Variants in IRAG1 observed in about 807,000 individuals in gnomAD.
IRAG1 encodes inositol 1,4,5-triphosphate receptor associated 1.
IRAG1 carries 62 observed loss-of-function variants against 106.2 expected under a neutral mutation model. The ratio of observed to expected loss-of-function variants is 0.58; its 90% confidence interval spans 0.48 to 0.72. The LOEUF (loss-of-function observed/expected upper bound fraction) is 0.72, where lower values mean the gene tolerates loss of function less well. IRAG1 is among the 30% of genes least tolerant of loss of function. IRAG1 has a pLI of 0.00. For missense variants in IRAG1, 1,064 were observed against 1,140.7 expected (o/e 0.93, Z 0.97); for synonymous variants, 462 against 443.9 (o/e 1.04, Z -0.51).
intron 1 of IRAG1, among the ~76,000 whole-genome samples, chr11:10,666,049 A>G (rs756978337): frequency 1.3e-5 from 2 of 152,220 alleles, no homozygotes; most frequent in Non-Finnish European, 2.9e-5. Flanking sequence ...TCAAGGTCCT[A>G]CTGCTTAAAT....
At position 10,594,169 on chromosome 11, in the gene IRAG1, A is replaced by T. The variant is rs762802874; in HGVS notation, c.2044T>A (p.Ser682Thr). The change falls in exon 16 of 21, where the codon TCC (serine) becomes ACC (threonine). Residue 682 changes from serine to threonine, a missense_variant. Coordinates refer to ENST00000423302, the MANE Select transcript of IRAG1 (RefSeq NM_130385.4). ...SEDGVPRTAR[S>T]MSLTLGKNMP... ...ACCTTTCCCAGCGTGAGGGACATGG[A>T]CCGTGCCGTGCGAGGGACCCCATCT... is the stretch of plus-strand genomic sequence containing the variant. 2 of 1,610,376 alleles carry T rather than the reference A, an allele frequency of 1.2e-6. No individual in the cohort carries two copies. Among genetic ancestry groups the T allele is most frequent in the Admixed American group, 3.4e-5 (2 of 59,566 alleles).
intron 15 of IRAG1, among the ~76,000 whole-genome samples, chr11:10,595,321 A>G (rs1853174699): frequency 6.6e-6 from 1 of 152,112 alleles, no homozygotes; most frequent in East Asian, 1.9e-4. Context: ...TATTTCTACC[A>G]TGTAATTTTA....
At chr11:10,604,121 C>T (rs548152101) in intron 13 of IRAG1, among the ~76,000 whole-genome samples, 7 of 152,198 alleles carry the variant, frequency 4.6e-5, no homozygotes, top group African/African-American at 1.4e-4. Context: ...AATGTGAACA[C>T]GCTATCCCTG....
At chr11:10,578,184 C>T (rs983636633) in intron 20 of IRAG1, among the ~76,000 whole-genome samples, 1 of 152,182 alleles carries the variant, frequency 6.6e-6, no homozygotes, top group Non-Finnish European at 1.5e-5. Context: ...AATAGAATTT[C>T]TTTAGAAGTC....
intron 1 of IRAG1, among the ~76,000 whole-genome samples, chr11:10,666,510 C>G (rs1020566120): frequency 1.3e-5 from 2 of 152,196 alleles, no homozygotes; most frequent in Non-Finnish European, 2.9e-5. Flanking sequence ...AACACAGGAC[C>G]AGAAGAGGTT....
At chr11:10,693,497 C>T (rs775588203) in intron 1 of IRAG1, 39 bp downstream of exon 1, 12 of 1,535,046 alleles carry the variant, frequency 7.8e-6, no homozygotes, top group Middle Eastern at 1.7e-4. Flanking sequence ...GCTTCCCAGC[C>T]GAAGAGGCAG....
At chr11:10,584,312 A>C (rs1001935107) in intron 18 of IRAG1, among the ~76,000 whole-genome samples, 3 of 152,122 alleles carry the variant, frequency 2.0e-5, no homozygotes, top group Non-Finnish European at 2.9e-5. Context: ...AGTTTTCCTC[A>C]GACCTTTTAA....
intron 15 of IRAG1, 109 bp from the exon 16 acceptor site, chr11:10,594,304 G>GGATA: frequency 9.5e-7 from 1 of 1,054,726 alleles, no homozygotes; most frequent in South Asian, 1.4e-5. Context: ...GGCCCTCAAG[G>GGATA]GATAGCCCAA....
In IRAG1 at chr11:10,604,481, T is replaced by G; in HGVS notation, c.1667A>C (p.Asn556Thr). The change falls in exon 13 of 21, where the codon AAC becomes ACC. Residue 556 changes from asparagine (N) to threonine (T), a missense_variant. Coordinates refer to ENST00000423302, the MANE Select transcript of IRAG1 (RefSeq NM_130385.4). ...CAGGTTGCGTTCCCTTTCAGCCTGG[T>G]TAATTCTAGATTCCAGAGTGTAGCT... ...NDSYTLESRI[N>T]QAERERNLTE... 1 of 1,614,064 alleles carries G rather than the reference T, an allele frequency of 6.2e-7. No homozygotes were observed. The highest frequency in any genetic ancestry group is 8.5e-7 in the Non-Finnish European group (1 of 1,179,896).
rs1203475585 is a variant in IRAG1 at position 10,645,106 on chromosome 11, C to A, written c.225+6919G>T. 4.6e-5 allele frequency among the ~76,000 whole-genome samples: 7 copies of A among 152,186 alleles called. No individual in the cohort carries two copies. The East Asian group carries it at 1.2e-3, about 25-fold the overall frequency. Reference sequence around the variant, plus strand: ...GAAGTGAGCTTCCTGAGAGCAGGACCTTAGTTAGTTAATGCTCAATAAACA... The same window carrying A: ...GAAGTGAGCTTCCTGAGAGCAGGACATTAGTTAGTTAATGCTCAATAAACA... On this transcript the variant is annotated intron_variant, in intron 2 of 20. Coordinates refer to ENST00000423302, the MANE Select transcript of IRAG1 (RefSeq NM_130385.4).
rs944104405 is a variant in IRAG1, at chr11:10,595,255, C to T, written c.2018-1060G>A. Among the ~76,000 whole-genome samples the T allele has an allele frequency of 2.7e-4, 41 of 152,110 alleles. 1 individual carries two copies. Among genetic ancestry groups the T allele is most frequent in the Non-Finnish European group, 1.5e-5 (1 of 68,016 alleles). On this transcript the variant is annotated intron_variant, in intron 15 of 20. Coordinates refer to ENST00000423302, the MANE Select transcript of IRAG1 (RefSeq NM_130385.4). ...TTTTCATAATCTAATCTGAGATTCTCTATTAACCAATAGATTTATACTAGT... is the reference window on the plus strand; with the variant it reads ...TTTTCATAATCTAATCTGAGATTCTTTATTAACCAATAGATTTATACTAGT...
At chr11:10,616,938 C>G (rs1855479731) in intron 10 of IRAG1, 1 of 694,258 alleles carries the variant, frequency 1.4e-6, no homozygotes, top group Admixed American at 6.3e-5. Context: ...CTGACCATGT[C>G]AGGGACTTGG....
intron 2 of IRAG1, among the ~76,000 whole-genome samples, chr11:10,635,666 G>A (rs1857093148): frequency 6.6e-6 from 1 of 152,192 alleles, no homozygotes; most frequent in Non-Finnish European, 1.5e-5. Flanking sequence ...GTCTCATACA[G>A]TGCTATCTGG....
At chr11:10,588,506 C>T (rs555494361) in intron 18 of IRAG1, among the ~76,000 whole-genome samples, 40 of 152,270 alleles carry the variant, frequency 2.6e-4, no homozygotes, top group Non-Finnish European at 5.1e-4. Flanking sequence ...GACGCCACCA[C>T]GCCTGGCTAA....
intron 1 of IRAG1, among the ~76,000 whole-genome samples, chr11:10,688,362 G>C (rs1861816507): frequency 6.6e-6 from 1 of 152,160 alleles, no homozygotes; most frequent in South Asian, 2.1e-4. Context: ...TCCTGACTCA[G>C]AGCCCGGGGT....
chr11:10,576,229 G>T lies in IRAG1; in HGVS notation c.*103C>A, dbSNP rs915244090. On this transcript the variant is annotated 3_prime_UTR_variant, in exon 21 of 21. Coordinates refer to ENST00000423302, the MANE Select transcript of IRAG1 (RefSeq NM_130385.4). ...AAGAACCCTTCCTCATGACCTGATG[G>T]GATGGGCGGCAGTGTGTCCACACTT... 2 of 1,467,560 alleles carry T rather than the reference G, an allele frequency of 1.4e-6. No individual in the cohort carries two copies. Among genetic ancestry groups the T allele is most frequent in the Admixed American group, 3.8e-5 (2 of 52,180 alleles). 90.9% of individuals were successfully genotyped at this position (1,467,560 alleles called of 1,614,324 possible).
Position 10,647,415 on chromosome 11 carries a change from G to A in IRAG1, c.225+4610C>T, listed in dbSNP as rs1858049427. 1.3e-5 allele frequency among the ~76,000 whole-genome samples: 2 copies of A among 152,230 alleles called. No individual in the cohort carries two copies. Among genetic ancestry groups the A allele is most frequent in the African/African-American group, 4.8e-5 (2 of 41,460 alleles). On this transcript the variant is annotated intron_variant, in intron 2 of 20. Transcript: ENST00000423302. The surrounding 1 kb of genome is among the most constrained non-coding windows in gnomAD (Gnocchi z 4.3). ...TAGACGAGTATCTGGCACAGGGTTA[G>A]CTATTATTATTAAGTGGCTTTGTGT...
chr11:10,685,416 C>A (rs200135246), intron 1 of IRAG1, among the ~76,000 whole-genome samples: 133 of 136,532 alleles, frequency 9.7e-4, no homozygotes, highest in Non-Finnish European at 9.3e-4. Flanking sequence ...ATTCCGTTCC[C>A]AAAAAAAAAA....
intron 1 of IRAG1, chr11:10,687,392 C>T (rs561444105): frequency 1.7e-5 from 3 of 172,208 alleles, no homozygotes; most frequent in South Asian, 2.7e-4. Context: ...TCAGGGGACA[C>T]ACATTCTGCT....
Sources: allele counts gnomAD v4.1 joint callset (sites outside exome capture counted in the v4.1 genomes callset), GRCh38; gene constraint gnomAD v4.1.1; non-coding constraint Gnocchi (gnomAD v3.1); transcripts MANE v1.5; gene names NCBI Gene and HGNC (gene_info 2026-07-23, HGNC 2026-07-21).